The following COL5A3 variants were observed in gnomAD, a reference collection of about 807,000 sequenced individuals.
COL5A3 encodes the protein collagen alpha-3(V) chain.
COL5A3 carries 172 observed loss-of-function variants against 250.0 expected under a neutral mutation model. The observed-to-expected ratio is 0.69, with a 90% CI of 0.61 to 0.78. COL5A3 has a LOEUF of 0.78. Among genes scored for constraint, COL5A3 ranks in the 30% least tolerant of loss-of-function variants. The pLI, the probability that COL5A3 is intolerant of heterozygous loss-of-function variation, is 0.00. For missense variants in COL5A3, 2,340 were observed against 2,334.4 expected, an observed-to-expected ratio of 1.00 and a Z score of -0.05; for synonymous variants, 937 against 900.4, an observed-to-expected ratio of 1.04 and a Z score of -0.73.
intron 24 of COL5A3, among the ~76,000 whole-genome samples, chr19:9,990,194 G>T (rs942005526): frequency 8.0e-5 from 12 of 150,890 alleles, no homozygotes; most frequent in African/African-American, 2.9e-4. Context: ...AGGAGTTCAA[G>T]ACCAGCCTGG....
intron 8 of COL5A3, among the ~76,000 whole-genome samples, chr19:10,000,452 C>CTTTTTTTT (rs576119335): frequency 0.029 from 1,840 of 62,780 alleles, 243 homozygotes; most frequent in Non-Finnish European, 0.038. Flanking sequence ...CCAGAGAGCT[C>CTTTTTTTT]TTTTTTTTTT....
intron 62 of COL5A3, 62 bp from the exon 63 acceptor site, chr19:9,966,808 AAG>A (rs2086755790): frequency 6.1e-6 from 8 of 1,316,658 alleles, no homozygotes; most frequent in Middle Eastern, 2.4e-4. Flanking sequence ...GAGAGGGAGA[AAG>A]AGAGACAGGC....
In COL5A3 at chr19:9,977,454, C is replaced by T; in HGVS notation, c.3145G>A (p.Gly1049Ser). ...GGGATCCCATCTTTGCCAGTGGGGC[C>T]AGGGGGGCCACGTTCTCCCTGTTGT... is the stretch of plus-strand genomic sequence containing the variant. ...KGSRGERGPP[G>S]PTGKDGIPGP... Residue 1049 changes from glycine to serine, a missense_variant, in exon 43 of 67, where the codon GGC (glycine) becomes AGC (serine). Gly to Ser is a moderately conservative substitution (Grantham distance 56). Coordinates refer to ENST00000264828, the MANE Select transcript of COL5A3 (RefSeq NM_015719.4). 1 of 1,520,030 alleles carries T rather than the reference C, an allele frequency of 6.6e-7. No homozygotes were observed. The highest frequency in any genetic ancestry group is 8.8e-7 in the Non-Finnish European group (1 of 1,135,446). The allele number at this position is 1,520,030 out of a possible 1,614,324, so 94.2% of individuals were successfully genotyped here.
intron 19 of COL5A3, 21 bp from the exon 20 acceptor site, chr19:9,993,088 TTGGG>T (rs2087217674): frequency 8.7e-6 from 14 of 1,613,456 alleles, no homozygotes; most frequent in Non-Finnish European, 1.2e-5. Flanking sequence ...GCGTCATTAC[TTGGG>T]AACAGGAAGG....
chr19:9,970,133 G>A (rs985617059), intron 54 of COL5A3, among the ~76,000 whole-genome samples: 1 of 46,708 alleles, frequency 2.1e-5, no homozygotes, highest in South Asian at 8.8e-4. Context: ...CTGTGGGTGA[G>A]TGGAGGCTGT....
chr19:9,969,929 A>G lies in COL5A3; in HGVS notation c.3937-7T>C. 6.4e-7 allele frequency: 1 copy of G among 1,566,830 alleles called. No homozygotes were observed. Among genetic ancestry groups the G allele is most frequent in the Non-Finnish European group, 8.6e-7 (1 of 1,161,002 alleles). On this transcript the variant is annotated splice_polypyrimidine_tract_variant and splice_region_variant and intron_variant, in intron 54 of 66. Transcript: ENST00000264828. ...CCATGTGGCCTGAAGGACCCTTGGA[A>G]GGGAAAGACAGTGAGGGGGGTCTAG...
intron 6 of COL5A3, among the ~76,000 whole-genome samples, chr19:10,003,037 C>T (rs2087387391): frequency 6.6e-6 from 1 of 152,102 alleles, no homozygotes; most frequent in South Asian, 2.1e-4. Context: ...CAAACACTGA[C>T]CTCAATTAAT....
Position 9,968,099 on chromosome 19 carries a change from TCAGTATTGGTGGGGTACACCCTATTGCC to T in COL5A3, c.4315-48_4315-21del. 1 of 1,585,272 alleles carries T rather than the reference TCAGTATTGGTGGGGTACACCCTATTGCC, an allele frequency of 6.3e-7. No individual in the cohort carries two copies. Among genetic ancestry groups the T allele is most frequent in the Admixed American group, 2.0e-5 (1 of 50,844 alleles). ...GGGACCCTAGGAAAAGGACATCGGG[TCAGTATTGGTGGGGTACACCCTATTGCC>T]CTGACACATCCCCCAGACAAGCCTT... On this transcript the variant is annotated intron_variant, in intron 59 of 66. Coordinates refer to ENST00000264828, the MANE Select transcript of COL5A3 (RefSeq NM_015719.4). The surrounding 1 kb of genome is among the most constrained non-coding windows in gnomAD (Gnocchi z 4.1).
chr19:9,965,792 A>G (rs890825935), intron 64 of COL5A3, among the ~76,000 whole-genome samples: 2 of 152,058 alleles, frequency 1.3e-5, no homozygotes, highest in Non-Finnish European at 2.9e-5. Context: ...CTGTCTTCCC[A>G]TGGAAGGTAT....
Position 10,004,259 on chromosome 19 carries a change from C to G in COL5A3, c.595-114G>C, listed in dbSNP as rs192734590. ...CTCCTGGCACCAGGGTGCAATGCTC[C>G]CCCACCCAGAGCATGCTAAGTATAA... On this transcript the variant is annotated intron_variant, in intron 4 of 66. Coordinates refer to ENST00000264828, the MANE Select transcript of COL5A3 (RefSeq NM_015719.4). The G allele has an allele frequency of 6.7e-4, 476 of 708,526 alleles. No homozygotes were observed. The African/African-American group carries it at 7.4e-3, about 11-fold the overall frequency. 43.9% of individuals were successfully genotyped at this position (708,526 alleles called of 1,614,324 possible).
At chr19:10,001,322 T>C (rs1412167754) in intron 8 of COL5A3, among the ~76,000 whole-genome samples, 1 of 152,096 alleles carries the variant, frequency 6.6e-6, no homozygotes, top group Admixed American at 6.5e-5. Flanking sequence ...ATTTTTTGTA[T>C]TTTTAGTAGA....
At chr19:10,000,672 G>A (rs937790723) in intron 8 of COL5A3, among the ~76,000 whole-genome samples, 36 of 151,754 alleles carry the variant, frequency 2.4e-4, no homozygotes, top group African/African-American at 8.0e-4. Flanking sequence ...CTGGTGCTTG[G>A]AGTAAAAGCC....
Position 9,979,191 on chromosome 19 carries a change from G to A in COL5A3, c.2815C>T (p.Pro939Ser), listed in dbSNP as rs2145090977. 1.2e-6 allele frequency: 2 copies of A among 1,603,656 alleles called. No individual in the cohort carries two copies. The highest frequency in any genetic ancestry group is 1.1e-5 in the South Asian group (1 of 89,866). ...GPLGERGPPG[P>S]PGPPGEQGLP... Reference sequence around the variant, plus strand: ...CCTTGTTCACCAGGAGGTCCAGGGGGGCCTGGAGGCCCCCTTTCACCTAGA... The same window carrying A: ...CCTTGTTCACCAGGAGGTCCAGGGGAGCCTGGAGGCCCCCTTTCACCTAGA... Residue 939 changes from proline (P) to serine (S), a missense_variant, in exon 39 of 67, where the codon CCC (proline) becomes TCC (serine). This residue lies in a region of COL5A3 where 1,179 missense variants were observed against 1,162.6 expected (regional missense o/e 1.01). Transcript: ENST00000264828.
At position 9,991,997 on chromosome 19, in the gene COL5A3, C is replaced by T; in HGVS notation, c.1893+7G>A. 1 of 1,611,930 alleles carries T rather than the reference C, an allele frequency of 6.2e-7. No individual in the cohort carries two copies. Among genetic ancestry groups the T allele is most frequent in the Non-Finnish European group, 8.5e-7 (1 of 1,178,266 alleles). ...GGGTCAGAGGTCAAAGGGCACAGGG[C>T]ACATACCACATTGCCTTTGGCACCA... On this transcript the variant is annotated splice_region_variant and intron_variant, in intron 22 of 66. Coordinates refer to ENST00000264828, the MANE Select transcript of COL5A3 (RefSeq NM_015719.4).
At chr19:9,967,485 ACACACACACT>A in intron 61 of COL5A3, 85 bp from the exon 62 acceptor site, 5 of 890,146 alleles carry the variant, frequency 5.6e-6, no homozygotes, top group African/African-American at 1.8e-5. Flanking sequence ...ACACACACTC[ACACACACACT>A]CACACACACA....
chr19:10,010,453 G>T lies in COL5A3; in HGVS notation c.-68C>A, dbSNP rs1051304203. ...GCTGCGGGGCGCGGCGACTTCTCGG[G>T]CTCGGTGCAGTCACTCGCGGCGGCC... On this transcript the variant is annotated 5_prime_UTR_variant, in exon 1 of 67. Transcript: ENST00000264828. The T allele has an allele frequency of 1.9e-6, 2 of 1,073,972 alleles. No individual in the cohort carries two copies. Among genetic ancestry groups the T allele is most frequent in the Non-Finnish European group, 2.5e-6 (2 of 809,304 alleles). 66.5% of individuals were successfully genotyped at this position (1,073,972 alleles called of 1,614,324 possible).
chr19:9,969,737 A>C (rs1599531860), intron 55 of COL5A3, 55 bp from the exon 56 acceptor site: 2 of 1,576,816 alleles, frequency 1.3e-6, no homozygotes, highest in Non-Finnish European at 1.7e-6. Context: ...CTGCCTCCTG[A>C]CCCCTGCCAA....
At position 9,979,188 on chromosome 19, in the gene COL5A3, G is replaced by C. The variant is rs547044236; in HGVS notation, c.2818C>G (p.Pro940Ala). The change falls in exon 39 of 67, where the codon CCT (proline) becomes GCT (alanine). Residue 940 changes from proline to alanine, a missense_variant. Physicochemically the swap from Pro to Ala is conservative, Grantham distance 27. Around this residue, in one of 3 missense-constraint regions of COL5A3, gnomAD observed 1,179 missense variants for 1,162.6 expected, o/e 1.01. Coordinates refer to ENST00000264828, the MANE Select transcript of COL5A3 (RefSeq NM_015719.4). ...PLGERGPPGP[P>A]GPPGEQGLPG... The stretch of plus-strand genomic sequence containing the variant: ...AGACCTTGTTCACCAGGAGGTCCAG[G>C]GGGGCCTGGAGGCCCCCTTTCACCT... 6 of 1,603,422 alleles carry C rather than the reference G, an allele frequency of 3.7e-6. No individual in the cohort carries two copies. The South Asian group carries it at 6.7e-5, about 18-fold the overall frequency.
At position 10,009,032 on chromosome 19, in the gene COL5A3, T is replaced by C. The variant is rs2087484400; in HGVS notation, c.88+1266A>G. On this transcript the variant is annotated intron_variant, in intron 1 of 66. Coordinates refer to ENST00000264828, the MANE Select transcript of COL5A3 (RefSeq NM_015719.4). This position sits in a 1 kb window ranked among gnomAD's most constrained non-coding sequence, Gnocchi z 4.4. Reference sequence around the variant, plus strand: ...CATTCCTGGAGTCCCAGGGGACTTATATTCAGAGTGGATGCCTAAGATTCC... The same window carrying C: ...CATTCCTGGAGTCCCAGGGGACTTACATTCAGAGTGGATGCCTAAGATTCC... 1.3e-5 allele frequency among the ~76,000 whole-genome samples: 2 copies of C among 152,064 alleles called. No homozygotes were observed. The highest frequency in any genetic ancestry group is 2.1e-4 in the South Asian group (1 of 4,826).
Sources: gnomAD v4.1 joint callset for allele counts (sites outside exome capture counted in the v4.1 genomes callset) on GRCh38, gnomAD v4.1.1 for gene constraint, gnomAD v4.1.1 regional missense constraint, Gnocchi (gnomAD v3.1) non-coding constraint, MANE v1.5 for transcripts, NCBI Gene and HGNC (gene_info 2026-07-23, HGNC 2026-07-21) for gene names.